FYN: variants seen among roughly 807,000 people sequenced by gnomAD.
The protein encoded by FYN is tyrosine-protein kinase Fyn.
In FYN, 10 loss-of-function variants were observed where a neutral mutation model predicts 70.2. The ratio of observed to expected loss-of-function variants is 0.14; its 90% CI spans 0.09 to 0.24. The LOEUF is 0.24. Among genes scored for constraint, FYN ranks in the 10% least tolerant of loss-of-function variants. The probability of loss-of-function intolerance (pLI) is 1.00; values close to 1 mark genes in which losing one functional copy is unlikely to be tolerated. For synonymous variants in FYN, 236 were observed against 248.6 expected, an observed-to-expected ratio of 0.95 and a Z score of 0.48; for missense variants, 319 against 673.1, an observed-to-expected ratio of 0.47 and a Z score of 5.82.
At chr6:111,760,097 G>A (rs80242030) in intron 3 of FYN, among the ~76,000 whole-genome samples, 5,077 of 151,774 alleles carry the variant, frequency 0.033, 148 homozygotes, top group East Asian at 0.14. Context: ...TCATCATCAC[G>A]ATATGCGTCA....
intron 1 of FYN, among the ~76,000 whole-genome samples, chr6:111,848,713 A>T (rs1290426571): frequency 1.3e-5 from 2 of 152,230 alleles, no homozygotes; most frequent in Non-Finnish European, 1.5e-5. Flanking sequence ...CGCAAAATAG[A>T]ATTGCTATCT....
At chr6:111,823,053 G>T (rs1418610331) in intron 2 of FYN, among the ~76,000 whole-genome samples, 1 of 152,230 alleles carries the variant, frequency 6.6e-6, no homozygotes, top group Admixed American at 6.5e-5. Flanking sequence ...AGTGAGGTGA[G>T]CTGGGAGCAA....
intron 2 of FYN, among the ~76,000 whole-genome samples, chr6:111,844,525 A>G (rs1406686774): frequency 6.6e-6 from 1 of 152,236 alleles, no homozygotes; most frequent in Non-Finnish European, 1.5e-5. Flanking sequence ...GAGCTTTTAA[A>G]ACAGCAAACT....
At chr6:111,685,480 C>A (rs1021577442) in intron 12 of FYN, among the ~76,000 whole-genome samples, 1 of 152,206 alleles carries the variant, frequency 6.6e-6, no homozygotes, top group Non-Finnish European at 1.5e-5. Flanking sequence ...GGGGGAGCCA[C>A]CCTGGGGATG....
rs538038783 is a variant in FYN at position 111,767,496 on chromosome 6, G to A, written c.-12+13070C>T. Among the ~76,000 whole-genome samples, 22 of 152,256 alleles carry A rather than the reference G, an allele frequency of 1.4e-4. No individual in the cohort carries two copies. In the East Asian group the frequency reaches 4.2e-3, roughly 29 times the overall value. On this transcript the variant is annotated intron_variant, in intron 3 of 13. Transcript: ENST00000354650. ...AGCTCACTGCAACCTCTGCCTCCCG[G>A]GTTCAAGTGATTCTCCTGTCTCAGC...
intron 2 of FYN, among the ~76,000 whole-genome samples, chr6:111,809,564 A>C (rs1020248949): frequency 1.3e-5 from 2 of 152,130 alleles, no homozygotes; most frequent in Admixed American, 1.3e-4. Context: ...ACCACAGAAC[A>C]TGAACCTTAT....
intron 9 of FYN, among the ~76,000 whole-genome samples, chr6:111,697,278 T>C (rs1799615060): frequency 2.0e-5 from 3 of 152,256 alleles, no homozygotes; most frequent in Admixed American, 2.0e-4. Flanking sequence ...TTTGGGTCTC[T>C]TTCAGCCCCA....
intron 3 of FYN, among the ~76,000 whole-genome samples, chr6:111,723,837 A>G (rs1447281925): frequency 6.6e-6 from 1 of 152,208 alleles, no homozygotes; most frequent in African/African-American, 2.4e-5. Flanking sequence ...CTTGCTATAG[A>G]TCTCTGGGGC....
At chr6:111,722,721 C>T (rs1801013717) in intron 3 of FYN, among the ~76,000 whole-genome samples, 1 of 152,144 alleles carries the variant, frequency 6.6e-6, no homozygotes, top group Non-Finnish European at 1.5e-5. Flanking sequence ...GAGGGATACT[C>T]CTGATACCTA....
intron 3 of FYN, among the ~76,000 whole-genome samples, chr6:111,773,880 C>T (rs914549486): frequency 3.9e-5 from 6 of 152,326 alleles, no homozygotes; most frequent in South Asian, 2.1e-4. Context: ...AGCTCCCTTA[C>T]TGGCTGACAT....
intron 2 of FYN, among the ~76,000 whole-genome samples, chr6:111,834,001 T>C (rs1484635137): frequency 1.3e-5 from 2 of 152,190 alleles, no homozygotes; most frequent in Admixed American, 1.3e-4. Context: ...ATTTGATGCA[T>C]GATGCTTCAT....
chr6:111,721,236 C>T (rs1471871560), intron 3 of FYN, among the ~76,000 whole-genome samples: 1 of 152,146 alleles, frequency 6.6e-6, no homozygotes, highest in Admixed American at 6.5e-5. Context: ...CCTTCTGGCA[C>T]CCTTGGCGCC....
chr6:111,861,242 G>T (rs1006729365), intron 1 of FYN, among the ~76,000 whole-genome samples: 1 of 152,176 alleles, frequency 6.6e-6, no homozygotes, highest in African/African-American at 2.4e-5. Flanking sequence ...ATTAAACAAG[G>T]TTCACTCTCA....
intron 5 of FYN, among the ~76,000 whole-genome samples, chr6:111,711,471 T>C (rs1800373399): frequency 6.6e-6 from 1 of 152,260 alleles, no homozygotes. Context: ...TACATGACAC[T>C]GAGCACTTAC....
chr6:111,661,528 A>G lies in FYN; in HGVS notation c.*211T>C. The G allele has an allele frequency of 1.8e-6, 1 of 543,604 alleles. No homozygotes were observed. Among genetic ancestry groups the G allele is most frequent in the Non-Finnish European group, 3.3e-6 (1 of 306,504 alleles). The allele number at this position is 543,604 out of a possible 1,614,324, so 33.7% of individuals were successfully genotyped here. A position where few individuals can be genotyped will look rare whatever the true frequency, so the allele number is the denominator to read the frequency against. ...CATTTTCCAAAGTCTGAGAAATAAC[A>G]AGGTTCTGTCTCGAATGCTTCACAG... On this transcript the variant is annotated 3_prime_UTR_variant, in exon 14 of 14. Coordinates refer to ENST00000354650, the MANE Select transcript of FYN (RefSeq NM_002037.5). The surrounding 1 kb of genome is among the most constrained non-coding windows in gnomAD (Gnocchi z 4.0).
intron 3 of FYN, among the ~76,000 whole-genome samples, chr6:111,749,860 A>G (rs908817549): frequency 7.9e-5 from 12 of 152,208 alleles, no homozygotes; most frequent in Non-Finnish European, 1.6e-4. Context: ...TTAAGAAATG[A>G]CAGGGATAAA....
chr6:111,686,791 C>G (rs1799025982), intron 12 of FYN, among the ~76,000 whole-genome samples: 1 of 152,196 alleles, frequency 6.6e-6, no homozygotes, highest in Non-Finnish European at 1.5e-5. Flanking sequence ...ACGGCGAGAT[C>G]AGCCTTGATC....
At chr6:111,808,748 C>G (rs2114289978) in intron 2 of FYN, among the ~76,000 whole-genome samples, 1 of 152,312 alleles carries the variant, frequency 6.6e-6, no homozygotes, top group Non-Finnish European at 1.5e-5. Context: ...TCACACAGGA[C>G]AGCAGCTAAA....
chr6:111,678,473 T>G (rs1007810959), intron 12 of FYN, among the ~76,000 whole-genome samples: 1 of 152,168 alleles, frequency 6.6e-6, no homozygotes, highest in Non-Finnish European at 1.5e-5. Flanking sequence ...TGTTGAGATA[T>G]GAAATAAGTG....
Sources: allele counts gnomAD v4.1 joint callset (sites outside exome capture counted in the v4.1 genomes callset), GRCh38; gene constraint gnomAD v4.1.1; non-coding constraint Gnocchi (gnomAD v3.1); transcripts MANE v1.5; gene names NCBI Gene and HGNC (gene_info 2026-07-23, HGNC 2026-07-21).